The following AGO1 variants were observed in gnomAD, a reference collection of about 807,000 sequenced individuals.
AGO1 encodes the protein argonaute RISC component 1.
A neutral mutation model predicts 109.2 loss-of-function variants in AGO1; 11 were observed. The observed-to-expected ratio is 0.10, with a 90% CI of 0.06 to 0.17. The LOEUF (loss-of-function observed/expected upper bound fraction) is 0.17. Among genes scored for constraint, AGO1 ranks in the 10% least tolerant of loss-of-function variants. The pLI is 1.00. For synonymous variants in AGO1, 422 were observed against 418.6 expected (o/e 1.01, Z -0.10); for missense variants, 574 against 1,140.3 (o/e 0.50, Z 7.15).
chr1:35,871,927 G>A (rs1244394565), intron 1 of AGO1, among the ~76,000 whole-genome samples: 2 of 151,678 alleles, frequency 1.3e-5, no homozygotes, highest in African/African-American at 2.4e-5. Flanking sequence ...AAAATTAGCC[G>A]GGTGTGGTGG....
chr1:35,878,463 C>T (rs987224286), upstream of AGO1, among the ~76,000 whole-genome samples: 1 of 152,122 alleles, frequency 6.6e-6, no homozygotes, highest in African/African-American at 2.4e-5. Flanking sequence ...TGTTGGACAG[C>T]ACTGATATAT....
chr1:35,872,392 G>A lies in AGO1; in HGVS notation c.-201+2489G>A, dbSNP rs77507171. Among the ~76,000 whole-genome samples, 3 of 151,874 alleles carry A rather than the reference G, an allele frequency of 2.0e-5. No individual in the cohort carries two copies. The East Asian group carries it at 5.8e-4, about 30-fold the overall frequency. On this transcript the variant is annotated intron_variant, in intron 1 of 18. Transcript: ENST00000373206. Reference sequence around the variant, plus strand: ...GTAGAGACAAGGTTTCACCACATTGGCCATGCTGGTCTTGAACTCCTGACC... The same window carrying A: ...GTAGAGACAAGGTTTCACCACATTGACCATGCTGGTCTTGAACTCCTGACC...
Position 35,892,654 on chromosome 1 carries a change from G to A in AGO1, c.307G>A (p.Ala103Thr), listed in dbSNP as rs1373509253. The A allele has an allele frequency of 1.2e-6, 2 of 1,614,138 alleles. No individual in the cohort carries two copies. Among genetic ancestry groups the A allele is most frequent in the African/African-American group, 2.7e-5 (2 of 74,946 alleles). The change falls in exon 3 of 19, where the codon GCA (alanine) becomes ACA (threonine). Residue 103 changes from alanine (A) to threonine (T), a missense_variant. Ala to Thr is a moderately conservative substitution (Grantham distance 58, BLOSUM62 0). Coordinates refer to ENST00000373204, the MANE Select transcript of AGO1 (RefSeq NM_012199.5). ...AAAGAAGAACATTTACACTGTCACAGCACTGCCCATTGGCAACGAACGGGT... is the reference window on the plus strand; with the variant it reads ...AAAGAAGAACATTTACACTGTCACAACACTGCCCATTGGCAACGAACGGGT... ...DGKKNIYTVTALPIGNERVDF... is the reference protein window; with the variant it reads ...DGKKNIYTVTTLPIGNERVDF...
rs1328128014 is a variant in AGO1, at chr1:35,918,365, C to T, written c.2207C>T (p.Thr736Ile). 1 of 1,614,028 alleles carries T rather than the reference C, an allele frequency of 6.2e-7. No homozygotes were observed. Among genetic ancestry groups the T allele is most frequent in the African/African-American group, 1.3e-5 (1 of 74,900 alleles). The change falls in exon 17 of 19, where the codon ACC (threonine) becomes ATC (isoleucine). Residue 736 changes from threonine (T) to isoleucine (I), a missense_variant. This residue lies in a region of AGO1 where 62 missense variants were observed against 192.0 expected (regional missense o/e 0.32). Transcript: ENST00000373204. Reference sequence around the variant, plus strand: ...ATCCCAGCTGGGACCACAGTGGACACCAACATCACCCACCCATTTGAGTTT... The same window carrying T: ...ATCCCAGCTGGGACCACAGTGGACATCAACATCACCCACCCATTTGAGTTT... ...GNIPAGTTVD[T>I]NITHPFEFDF...
At chr1:35,874,904 C>T (rs1644980712) in intron 1 of AGO1, among the ~76,000 whole-genome samples, 1 of 152,206 alleles carries the variant, frequency 6.6e-6, no homozygotes, top group Non-Finnish European at 1.5e-5. Context: ...AAAGCCTAAT[C>T]CAGAGCAAGG....
In AGO1 at chr1:35,915,360, A is replaced by G; in HGVS notation, c.1846A>G (p.Met616Val). The change falls in exon 15 of 19, where the codon ATG becomes GTG. Residue 616 changes from methionine (M) to valine (V), a missense_variant. Transcript: ENST00000373204. ...KPSITAVVGS[M>V]DAHPSRYCAT... ...CTCTGACTGTCAGGTGGTAGGCAGTATGGATGCCCACCCCAGCCGATACTG... is the reference window on the plus strand; with the variant it reads ...CTCTGACTGTCAGGTGGTAGGCAGTGTGGATGCCCACCCCAGCCGATACTG... The G allele has an allele frequency of 1.2e-6, 2 of 1,613,698 alleles. No homozygotes were observed. Among genetic ancestry groups the G allele is most frequent in the Non-Finnish European group, 1.7e-6 (2 of 1,179,664 alleles).
intron 17 of AGO1, among the ~76,000 whole-genome samples, 184 bp downstream of exon 17, chr1:35,918,607 G>A (rs2148725697): frequency 6.6e-6 from 1 of 152,292 alleles, no homozygotes; most frequent in East Asian, 1.9e-4. Context: ...GAGTGCAGTG[G>A]CACAATTTCA....
Position 35,893,414 on chromosome 1 carries a change from A to G in AGO1, c.512+136A>G, listed in dbSNP as rs1025146017. The G allele has an allele frequency of 1.2e-5, 12 of 1,014,390 alleles. No individual in the cohort carries two copies. Among genetic ancestry groups the G allele is most frequent in the African/African-American group, 1.6e-5 (1 of 61,776 alleles). 62.8% of individuals were successfully genotyped at this position (1,014,390 alleles called of 1,614,324 possible). On this transcript the variant is annotated intron_variant, in intron 4 of 18. Transcript: ENST00000373204. This position sits in a 1 kb window ranked among gnomAD's most constrained non-coding sequence, Gnocchi z 5.6. ...TTTGAAGCCCTACCACTTGCCAGGCAAATGTGTATTTATATTTAGATGGTT... is the reference window on the plus strand; with the variant it reads ...TTTGAAGCCCTACCACTTGCCAGGCGAATGTGTATTTATATTTAGATGGTT...
intron 1 of AGO1, among the ~76,000 whole-genome samples, chr1:35,886,209 G>C (rs1645117792): frequency 6.6e-6 from 1 of 152,170 alleles, no homozygotes; most frequent in East Asian, 1.9e-4. Context: ...TGTCCTCTGT[G>C]CTGGGGCCCT....
In AGO1 at chr1:35,919,703, G is replaced by A. The variant is rs1645797336; in HGVS notation, c.*96G>A. ...CAGAGGAAGCAAGGAGGAGGGAGGT[G>A]GGGTAGGGAGGAGTGTAGGATGCCT... On this transcript the variant is annotated 3_prime_UTR_variant, in exon 19 of 19. Transcript: ENST00000373204. This position sits in a 1 kb window ranked among gnomAD's most constrained non-coding sequence, Gnocchi z 6.6. The A allele has an allele frequency of 1.7e-6, 2 of 1,165,458 alleles. No individual in the cohort carries two copies. Among genetic ancestry groups the A allele is most frequent in the Admixed American group, 2.2e-5 (1 of 46,136 alleles). The allele number at this position is 1,165,458 out of a possible 1,614,324, so 72.2% of individuals were successfully genotyped here.
rs1206225660 is a variant in AGO1, at chr1:35,926,625, A to G, written c.*7018A>G. The G allele has an allele frequency of 6.6e-6, 1 of 152,106 alleles. No homozygotes were observed. Among genetic ancestry groups the G allele is most frequent in the East Asian group, 1.9e-4 (1 of 5,192 alleles). The allele number at this position is 152,106 out of a possible 1,614,324, so 9.4% of individuals were successfully genotyped here. A position where few individuals can be genotyped will look rare whatever the true frequency, so the allele number is the denominator to read the frequency against. On this transcript the variant is annotated 3_prime_UTR_variant, in exon 19 of 19. Transcript: ENST00000373204. ...TAATGTCGAATTGGAAAATTAGCTC[A>G]CCATTTTTGTTCTAGCTTTGCAGAC...
At chr1:35,906,830 T>C in intron 11 of AGO1, 105 bp from the exon 12 acceptor site, 2 of 670,544 alleles carry the variant, frequency 3.0e-6, no homozygotes. Flanking sequence ...AAAAAACCAA[T>C]CTCTCAGTGC....
rs1452955599 is a variant in AGO1, at chr1:35,930,454, G to A, written c.*10847G>A. ...TGTAGCACAGGCGGGGCCCATTTAC[G>A]CCGTGCGTTTTCACCCTGGAAAGGA... On this transcript the variant is annotated 3_prime_UTR_variant, in exon 19 of 19. Transcript: ENST00000373204. 8 of 152,188 alleles carry A rather than the reference G, an allele frequency of 5.3e-5. No homozygotes were observed. The highest frequency in any genetic ancestry group is 1.9e-4 in the African/African-American group (8 of 41,446). The allele number at this position is 152,188 out of a possible 1,614,324, so 9.4% of individuals were successfully genotyped here. A position where few individuals can be genotyped will look rare whatever the true frequency, so the allele number is the denominator to read the frequency against.
chr1:35,885,634 A>C lies in AGO1; in HGVS notation c.25+2188A>C, dbSNP rs374166230. ...GTTGTGTAAAAAACAACAACAAAAA[A>C]CCCCCCAAAAACTAAAGCATTGTTG... is the stretch of plus-strand genomic sequence containing the variant. On this transcript the variant is annotated intron_variant, in intron 1 of 18. Coordinates refer to ENST00000373204, the MANE Select transcript of AGO1 (RefSeq NM_012199.5). Among the ~76,000 whole-genome samples, 4 of 151,918 alleles carry C rather than the reference A, an allele frequency of 2.6e-5. No individual in the cohort carries two copies. In the South Asian group the frequency reaches 6.2e-4, roughly 24 times the overall value.
Position 35,916,671 on chromosome 1 carries a change from A to G in AGO1, c.2029-922A>G, listed in dbSNP as rs116529948. Among the ~76,000 whole-genome samples, 363 of 152,340 alleles carry G rather than the reference A, an allele frequency of 2.4e-3. 2 individuals are homozygous for G. The highest frequency in any genetic ancestry group is 8.2e-3 in the African/African-American group (339 of 41,578). ...GCGTGAGCCACCGTGCCCGGCCATT[A>G]TGCCCAATTTCTAAGTCATCCAGTA... On this transcript the variant is annotated intron_variant, in intron 15 of 18. Coordinates refer to ENST00000373204, the MANE Select transcript of AGO1 (RefSeq NM_012199.5).
At chr1:35,890,294 A>G (rs1645194465) in intron 2 of AGO1, among the ~76,000 whole-genome samples, 1 of 152,192 alleles carries the variant, frequency 6.6e-6, no homozygotes, top group Non-Finnish European at 1.5e-5. Context: ...AAGTGCTGGG[A>G]TTACAGGCAT....
Position 35,919,575 on chromosome 1 carries a change from C to G in AGO1, c.2542C>G (p.Gln848Glu). 7 of 1,614,186 alleles carry G rather than the reference C, an allele frequency of 4.3e-6. No homozygotes were observed. Among genetic ancestry groups the G allele is most frequent in the Non-Finnish European group, 5.9e-6 (7 of 1,180,026 alleles). ...QALAKAVQVH[Q>E]DTLRTMYFA ...CCTGGCCAAAGCCGTGCAGGTTCACCAGGATACTCTGCGCACCATGTACTT... is the reference window on the plus strand; with the variant it reads ...CCTGGCCAAAGCCGTGCAGGTTCACGAGGATACTCTGCGCACCATGTACTT... Residue 848 changes from glutamine (Q) to glutamate (E), a missense_variant, in exon 19 of 19, where the codon CAG becomes GAG. Gln to Glu is a conservative substitution (Grantham distance 29). Transcript: ENST00000373204. This position sits in a 1 kb window ranked among gnomAD's most constrained non-coding sequence, Gnocchi z 6.6.
In AGO1 at chr1:35,894,417, G is replaced by T. The variant is rs1351103033; in HGVS notation, c.872+15G>T. On this transcript the variant is annotated intron_variant, in intron 7 of 18. Coordinates refer to ENST00000373204, the MANE Select transcript of AGO1 (RefSeq NM_012199.5). ...AGCCATCAGACGTAAGTTGGCAGGGGTGCTGAGTCATACTTTGTTGGTGGA... is the reference window on the plus strand; with the variant it reads ...AGCCATCAGACGTAAGTTGGCAGGGTTGCTGAGTCATACTTTGTTGGTGGA... The T allele has an allele frequency of 1.9e-6, 3 of 1,613,070 alleles. No homozygotes were observed. Among genetic ancestry groups the T allele is most frequent in the South Asian group, 1.1e-5 (1 of 91,014 alleles).
In AGO1 at chr1:35,925,107, A is replaced by G. The variant is rs2148729822; in HGVS notation, c.*5500A>G. The G allele has an allele frequency of 6.6e-6, 1 of 152,156 alleles. No individual in the cohort carries two copies. The highest frequency in any genetic ancestry group is 6.5e-5 in the Admixed American group (1 of 15,268). 9.4% of individuals were successfully genotyped at this position (152,156 alleles called of 1,614,324 possible). On this transcript the variant is annotated 3_prime_UTR_variant, in exon 19 of 19. Transcript: ENST00000373204. ...GGGTTTTTTGTTTCTTTGTTTAGCC[A>G]GTTTGGTGAGGTAGGAGAAGAAATC...
Sources: gnomAD v4.1 joint callset for allele counts (sites outside exome capture counted in the v4.1 genomes callset) on GRCh38, gnomAD v4.1.1 for gene constraint, gnomAD v4.1.1 regional missense constraint, Gnocchi (gnomAD v3.1) non-coding constraint, MANE v1.5 for transcripts, NCBI Gene and HGNC (gene_info 2026-07-23, HGNC 2026-07-21) for gene names.